Variants in DPF3 observed in about 807,000 individuals in gnomAD.
DPF3 encodes zinc finger protein DPF3.
Under a neutral mutation model 56.8 loss-of-function variants are expected in DPF3, and 18 were observed. That is an observed-to-expected ratio of 0.32 (90% CI 0.22 to 0.47). DPF3 has a LOEUF of 0.47. DPF3 is among the 20% of genes least tolerant of loss of function. The pLI is 1.00. For missense variants in DPF3, 403 were observed against 488.8 expected (o/e 0.82, Z 1.65); for synonymous variants, 188 against 180.2 (o/e 1.04, Z -0.35).
At chr14:72,645,619 T>A (rs995106139) in intron 8 of DPF3, among the ~76,000 whole-genome samples, 1 of 152,130 alleles carries the variant, frequency 6.6e-6, no homozygotes, top group African/African-American at 2.4e-5. Context: ...CTTAAGTAAT[T>A]CCTCTGTCTT....
At chr14:72,881,523 G>GA (rs1322092027) in intron 1 of DPF3, among the ~76,000 whole-genome samples, 3 of 152,164 alleles carry the variant, frequency 2.0e-5, no homozygotes, top group Non-Finnish European at 4.4e-5. Context: ...CCCTTCCCTT[G>GA]AAAGGTCTTG....
chr14:72,655,679 G>A (rs1886043278), intron 8 of DPF3, among the ~76,000 whole-genome samples: 5 of 152,198 alleles, frequency 3.3e-5, no homozygotes, highest in African/African-American at 1.2e-4. Flanking sequence ...CCAAAACAAT[G>A]GAAGTCAACA....
chr14:72,879,016 G>A (rs1207491034), intron 1 of DPF3, among the ~76,000 whole-genome samples: 1 of 152,232 alleles, frequency 6.6e-6, no homozygotes, highest in Non-Finnish European at 1.5e-5. Context: ...CAGGGTATCT[G>A]CCTGCAGGCT....
At chr14:72,806,221 A>G (rs1272183510) in intron 1 of DPF3, among the ~76,000 whole-genome samples, 1 of 152,130 alleles carries the variant, frequency 6.6e-6, no homozygotes, top group Non-Finnish European at 1.5e-5. Flanking sequence ...CCTTCCTCAG[A>G]TGCTACTTTT....
chr14:72,652,190 G>A (rs1353963272), intron 8 of DPF3, among the ~76,000 whole-genome samples: 4 of 152,102 alleles, frequency 2.6e-5, no homozygotes, highest in East Asian at 1.9e-4. Context: ...AATAAAAGCC[G>A]GCACCACCTG....
chr14:72,664,496 A>G (rs1390020835), intron 8 of DPF3, among the ~76,000 whole-genome samples: 2 of 152,196 alleles, frequency 1.3e-5, no homozygotes, highest in African/African-American at 4.8e-5. Flanking sequence ...CTGTGTTCTT[A>G]GTCTCCTGCT....
At chr14:72,737,975 T>C (rs1296652131) in intron 3 of DPF3, among the ~76,000 whole-genome samples, 1 of 152,172 alleles carries the variant, frequency 6.6e-6, no homozygotes, top group African/African-American at 2.4e-5. Flanking sequence ...GTGCTTATTA[T>C]ATTGAGGAGT....
At chr14:72,850,652 C>A (rs1362568883) in intron 1 of DPF3, among the ~76,000 whole-genome samples, 4 of 152,170 alleles carry the variant, frequency 2.6e-5, no homozygotes, top group African/African-American at 9.7e-5. Flanking sequence ...ATCTTTTGTG[C>A]CATGACAATC....
chr14:72,777,306 G>C (rs1352527384), intron 1 of DPF3, among the ~76,000 whole-genome samples: 3 of 152,250 alleles, frequency 2.0e-5, no homozygotes, highest in African/African-American at 7.2e-5. Flanking sequence ...TTCATGGAAA[G>C]CTCCGTCTCC....
intron 7 of DPF3, among the ~76,000 whole-genome samples, chr14:72,691,263 A>T (rs1268952933): frequency 6.6e-6 from 1 of 152,196 alleles, no homozygotes; most frequent in East Asian, 1.9e-4. Flanking sequence ...CTGAAGGCTG[A>T]ATTGCATCCC....
At chr14:72,841,929 T>A (rs560828356) in intron 1 of DPF3, among the ~76,000 whole-genome samples, 11 of 151,962 alleles carry the variant, frequency 7.2e-5, no homozygotes, top group Admixed American at 1.3e-4. Flanking sequence ...ACAAAAGAAA[T>A]TTTTTTGTAA....
At chr14:72,836,539 T>C in intron 1 of DPF3, 1 of 983,066 alleles carries the variant, frequency 1.0e-6, no homozygotes, top group Non-Finnish European at 1.2e-6. Flanking sequence ...GATTGCCCTG[T>C]GGTTGCCATG....
chr14:72,632,587 G>C (rs1337801773), intron 8 of DPF3, among the ~76,000 whole-genome samples: 1 of 148,922 alleles, frequency 6.7e-6, no homozygotes, highest in Non-Finnish European at 1.5e-5. Context: ...AAAGGAGAGA[G>C]AGAGGAAGGA....
intron 1 of DPF3, among the ~76,000 whole-genome samples, chr14:72,867,808 G>A (rs867111830): frequency 1.3e-5 from 2 of 152,006 alleles, no homozygotes; most frequent in South Asian, 2.1e-4. Flanking sequence ...GCACAATCTC[G>A]GCTCACTGCA....
chr14:72,828,831 A>G (rs1277696260), intron 1 of DPF3, among the ~76,000 whole-genome samples: 1 of 152,224 alleles, frequency 6.6e-6, no homozygotes, highest in Non-Finnish European at 1.5e-5. Context: ...TTTGTGTTTC[A>G]GCAAGATTAC....
chr14:72,850,089 T>G (rs10144501), intron 1 of DPF3, among the ~76,000 whole-genome samples: 2 of 152,112 alleles, frequency 1.3e-5, no homozygotes, highest in African/African-American at 4.8e-5. Flanking sequence ...ACTGCACTCC[T>G]GCCTAGGCGA....
chr14:72,884,952 A>ATATATATATATATATATATATATG (rs1886466331), intron 1 of DPF3, among the ~76,000 whole-genome samples: 1 of 88,012 alleles, frequency 1.1e-5, no homozygotes, highest in Non-Finnish European at 2.4e-5. Context: ...ATATATATAT[A>ATATATATATATATATATATATATG]TATATATATA....
chr14:72,755,925 A>C (rs1472053657), intron 2 of DPF3, among the ~76,000 whole-genome samples: 1 of 152,206 alleles, frequency 6.6e-6, no homozygotes, highest in Non-Finnish European at 1.5e-5. Context: ...AGGGAAGAGC[A>C]GGGCCCCATG....
At chr14:72,681,636 A>G (rs1393649116) in intron 7 of DPF3, among the ~76,000 whole-genome samples, 1 of 152,218 alleles carries the variant, frequency 6.6e-6, no homozygotes, top group African/African-American at 2.4e-5. Context: ...ATCTTTAGAT[A>G]CAAACCTGGT....
Sources: allele counts gnomAD v4.1 joint callset (sites outside exome capture counted in the v4.1 genomes callset), GRCh38; gene constraint gnomAD v4.1.1; transcripts MANE v1.5; gene names NCBI Gene and HGNC (gene_info 2026-07-23, HGNC 2026-07-21).